Variants in COA1 observed in about 807,000 individuals in gnomAD.
COA1 encodes the protein cytochrome c oxidase assembly factor 1.
A neutral mutation model predicts 16.0 loss-of-function variants in COA1; 13 were observed. The observed-to-expected ratio is 0.81, with a 90% CI of 0.53 to 1.29. The LOEUF (loss-of-function observed/expected upper bound fraction) is 1.29, where lower values mean the gene tolerates loss of function less well. Ranked by LOEUF, COA1 falls within the 50% of genes most tolerant of loss-of-function variation. The pLI is 0.00. For missense variants in COA1, 179 were observed against 177.0 expected (o/e 1.01, Z -0.06); for synonymous variants, 65 against 65.7 (o/e 0.99, Z 0.05).
chr7:43,690,148 TTGG>T (rs2094207746), intron 1 of COA1, among the ~76,000 whole-genome samples: 3 of 152,176 alleles, frequency 2.0e-5, no homozygotes, highest in Non-Finnish European at 2.9e-5. Flanking sequence ...TTTTACACTG[TTGG>T]TGGGAATGTA....
At chr7:43,625,774 A>T (rs911920129) in intron 6 of COA1, 17 of 151,944 alleles carry the variant, frequency 1.1e-4, no homozygotes, top group Non-Finnish European at 1.9e-4. Context: ...AGAGAGAGAG[A>T]GAGTGTCTTC....
chr7:43,683,553 G>C (rs1193433343), intron 1 of COA1, among the ~76,000 whole-genome samples: 1 of 152,092 alleles, frequency 6.6e-6, no homozygotes, highest in African/African-American at 2.4e-5. Context: ...AGAATGGCAT[G>C]AACCTGGGAG....
chr7:43,619,529 A>G, intron 6 of COA1: 1 of 1,552,276 alleles, frequency 6.4e-7, no homozygotes, highest in Non-Finnish European at 8.7e-7. Flanking sequence ...AATATGTTTT[A>G]TGGGCTGCAT....
intron 4 of COA1, among the ~76,000 whole-genome samples, chr7:43,644,553 A>G (rs2088188586): frequency 6.6e-6 from 1 of 151,670 alleles, no homozygotes; most frequent in Non-Finnish European, 1.5e-5. Flanking sequence ...TTTACAGACA[A>G]TTTCACTCTG....
At chr7:43,703,074 T>C (rs73108694) in intron 1 of COA1, among the ~76,000 whole-genome samples, 22,184 of 152,172 alleles carry the variant, frequency 0.15, 2,184 homozygotes, top group Non-Finnish European at 0.21. Context: ...CAAATATTTT[T>C]CTGCCTTAAT....
chr7:43,648,522 T>G (rs750438393), intron 2 of COA1, 78 bp downstream of exon 2: 2 of 1,463,466 alleles, frequency 1.4e-6, no homozygotes, highest in Admixed American at 1.7e-5. Flanking sequence ...ATTCAGGGAG[T>G]GACTTTCTTC....
chr7:43,657,226 T>G (rs2091859535), intron 1 of COA1: 1 of 152,202 alleles, frequency 6.6e-6, no homozygotes, highest in Admixed American at 6.5e-5. Context: ...CTGTTTTCAC[T>G]GCCCAGTCCT....
At chr7:43,638,276 T>C (rs985107292), downstream of COA1, among the ~76,000 whole-genome samples, 1 of 151,742 alleles carries the variant, frequency 6.6e-6, no homozygotes, top group Non-Finnish European at 1.5e-5. Context: ...ATTAAGAATG[T>C]AGGAAGAGAG....
chr7:43,682,239 C>T (rs995818051), intron 1 of COA1, among the ~76,000 whole-genome samples: 2 of 152,188 alleles, frequency 1.3e-5, no homozygotes, highest in African/African-American at 4.8e-5. Flanking sequence ...ACCACTAAGA[C>T]TTTCTTAGTC....
chr7:43,648,574 A>C, intron 2 of COA1, 26 bp downstream of exon 2: 1 of 1,613,526 alleles, frequency 6.2e-7, no homozygotes, highest in Non-Finnish European at 8.5e-7. Context: ...TCTAGTGGGG[A>C]ACTTGGCCCT....
chr7:43,690,351 C>G (rs1264430972), intron 1 of COA1, among the ~76,000 whole-genome samples: 3 of 152,020 alleles, frequency 2.0e-5, no homozygotes, highest in Non-Finnish European at 4.4e-5. Context: ...ACTATGGAAC[C>G]AGCCCAAATG....
chr7:43,688,475 AT>A (rs1394955922), intron 1 of COA1, among the ~76,000 whole-genome samples: 1 of 152,166 alleles, frequency 6.6e-6, no homozygotes, highest in Non-Finnish European at 1.5e-5. Context: ...ACTTTATCAA[AT>A]GTATCACTAT....
rs1447286579 is a variant in COA1, at chr7:43,691,066, A to C, written c.-39+38363T>G. ...GACCTCATCACTACAAAAAAAAAAA[A>C]AAAAAAAAAAACAAAAAGAAAAGAA... On this transcript the variant is annotated intron_variant, in intron 1 of 5. Transcript: ENST00000223336. 5.9e-4 allele frequency among the ~76,000 whole-genome samples: 80 copies of C among 135,422 alleles called. 1 individual carries two copies. Among genetic ancestry groups the C allele is most frequent in the African/African-American group, 2.3e-3 (76 of 33,624 alleles). 88.8% of individuals were successfully genotyped at this position (135,422 alleles called of 152,430 possible).
chr7:43,679,862 G>A (rs1401768103), intron 1 of COA1, among the ~76,000 whole-genome samples: 5 of 151,560 alleles, frequency 3.3e-5, no homozygotes, highest in African/African-American at 1.2e-4. Flanking sequence ...TGTGACAGAA[G>A]AAATAAAATG....
intron 3 of COA1, 194 bp downstream of exon 3, chr7:43,647,341 C>G: frequency 1.7e-6 from 1 of 601,242 alleles, no homozygotes; most frequent in South Asian, 2.1e-5. Context: ...TTTATTTGTA[C>G]TCGTTGCTCC....
At chr7:43,624,860 A>C (rs776523503) in intron 6 of COA1, 1 of 1,563,378 alleles carries the variant, frequency 6.4e-7, no homozygotes, top group Non-Finnish European at 8.6e-7. Context: ...TTCCCTTTAG[A>C]ACTTCAAGAT....
chr7:43,679,473 A>AC (rs1478865939), intron 1 of COA1, among the ~76,000 whole-genome samples: 3 of 152,250 alleles, frequency 2.0e-5, no homozygotes, highest in African/African-American at 7.2e-5. Context: ...GGGCCACACA[A>AC]CAAGGGCCAT....
intron 1 of COA1, among the ~76,000 whole-genome samples, chr7:43,700,527 C>CATAT (rs371169314): frequency 0.012 from 1,736 of 139,158 alleles, 28 homozygotes; most frequent in African/African-American, 0.036. Flanking sequence ...AAAATGTAGG[C>CATAT]AGATATATAT....
chr7:43,707,092 T>G (rs2095018012), intron 1 of COA1, among the ~76,000 whole-genome samples: 1 of 151,664 alleles, frequency 6.6e-6, no homozygotes, highest in South Asian at 2.1e-4. Flanking sequence ...GAGAATTTCT[T>G]GAACCCAGGA....
Sources: allele counts gnomAD v4.1 joint callset (sites outside exome capture counted in the v4.1 genomes callset), GRCh38; gene constraint gnomAD v4.1.1; transcripts MANE v1.5; gene names NCBI Gene and HGNC (gene_info 2026-07-23, HGNC 2026-07-21).